Variants in PEA15 observed in about 807,000 individuals in gnomAD.
PEA15 encodes the protein proliferation and apoptosis adaptor protein 15.
For missense variants in PEA15, 77 were observed against 161.3 expected, an observed-to-expected ratio of 0.48 and a Z score of 2.83; for synonymous variants, 60 against 61.8, an observed-to-expected ratio of 0.97 and a Z score of 0.13.
Position 160,215,235 on chromosome 1 carries a change from G to C in PEA15, c.*1749G>C, listed in dbSNP as rs976862513. The C allele has an allele frequency of 2.0e-5, 3 of 152,160 alleles. No homozygotes were observed. Among genetic ancestry groups the C allele is most frequent in the Admixed American group, 6.5e-5 (1 of 15,268 alleles). The allele number at this position is 152,160 out of a possible 1,614,324, so 9.4% of individuals were successfully genotyped here. A position where few individuals can be genotyped will look rare whatever the true frequency, so the allele number is the denominator to read the frequency against. On this transcript the variant is annotated 3_prime_UTR_variant, in exon 4 of 4. Coordinates refer to ENST00000360472, the MANE Select transcript of PEA15 (RefSeq NM_003768.5). Reference sequence around the variant, plus strand: ...GCAGAGTCTAGTAGTTTCTCTGTAAGGCAAAATAATCTAAAAAGACTAACC... The same window carrying C: ...GCAGAGTCTAGTAGTTTCTCTGTAACGCAAAATAATCTAAAAAGACTAACC...
At chr1:160,209,804 T>C (rs1175241939) in intron 1 of PEA15, among the ~76,000 whole-genome samples, 1 of 152,100 alleles carries the variant, frequency 6.6e-6, no homozygotes, top group East Asian at 1.9e-4. Flanking sequence ...CCTCCTTCTG[T>C]CCTTGGATTA....
At chr1:160,210,687 AG>A (rs1357121364) in intron 1 of PEA15, among the ~76,000 whole-genome samples, 6 of 152,186 alleles carry the variant, frequency 3.9e-5, no homozygotes, top group African/African-American at 1.4e-4. Context: ...ATTCTCCCAA[AG>A]CCGCATCTAA....
In PEA15 at chr1:160,213,699, G is replaced by T; in HGVS notation, c.*213G>T. On this transcript the variant is annotated 3_prime_UTR_variant, in exon 4 of 4. Transcript: ENST00000360472. This position sits in a 1 kb window ranked among gnomAD's most constrained non-coding sequence, Gnocchi z 5.3. ...AGTTCCTCTTCTTAAGGGGATGGGGGTCAGGGGCTAGGGGAGGGGGCTGAG... is the reference window on the plus strand; with the variant it reads ...AGTTCCTCTTCTTAAGGGGATGGGGTTCAGGGGCTAGGGGAGGGGGCTGAG... 9.2e-6 allele frequency: 3 copies of T among 325,694 alleles called. No homozygotes were observed. Among genetic ancestry groups the T allele is most frequent in the South Asian group, 7.6e-5 (3 of 39,638 alleles). 20.2% of individuals were successfully genotyped at this position (325,694 alleles called of 1,614,324 possible). A position where few individuals can be genotyped will look rare whatever the true frequency, so the allele number is the denominator to read the frequency against.
intron 1 of PEA15, among the ~76,000 whole-genome samples, chr1:160,206,844 C>T (rs927683927): frequency 2.0e-5 from 3 of 152,112 alleles, no homozygotes; most frequent in Admixed American, 6.5e-5. Flanking sequence ...GCTGTCAGAG[C>T]GATTAGCTTT....
Position 160,215,335 on chromosome 1 carries a change from G to A in PEA15, c.*1849G>A, listed in dbSNP as rs1337228428. 1 of 152,174 alleles carries A rather than the reference G, an allele frequency of 6.6e-6. No individual in the cohort carries two copies. Among genetic ancestry groups the A allele is most frequent in the Non-Finnish European group, 1.5e-5 (1 of 68,034 alleles). 9.4% of individuals were successfully genotyped at this position (152,174 alleles called of 1,614,324 possible). On this transcript the variant is annotated 3_prime_UTR_variant, in exon 4 of 4. Coordinates refer to ENST00000360472, the MANE Select transcript of PEA15 (RefSeq NM_003768.5). ...TTCTGTCTGCAGTGTGCACGGCCTTGTTCTAACCCGGAATAAAGGTGATTG... is the reference window on the plus strand; with the variant it reads ...TTCTGTCTGCAGTGTGCACGGCCTTATTCTAACCCGGAATAAAGGTGATTG...
intron 1 of PEA15, chr1:160,211,264 G>A (rs1571067096): frequency 2.7e-6 from 3 of 1,102,586 alleles, no homozygotes; most frequent in Non-Finnish European, 3.3e-6. Flanking sequence ...CTGTTGCCAG[G>A]GTTACTGTTA....
intron 1 of PEA15, among the ~76,000 whole-genome samples, chr1:160,210,985 T>A (rs947161021): frequency 6.6e-6 from 1 of 152,060 alleles, no homozygotes; most frequent in African/African-American, 2.4e-5. Context: ...GAGTCATTAG[T>A]GGGGTGGTGG....
chr1:160,212,124 G>T (rs1291528479), intron 2 of PEA15, among the ~76,000 whole-genome samples: 8 of 152,280 alleles, frequency 5.3e-5, no homozygotes, highest in Non-Finnish European at 1.2e-4. Flanking sequence ...AAAACTACAA[G>T]TTCTATCATT....
chr1:160,211,730 G>A lies in PEA15; in HGVS notation c.172+14G>A. The A allele has an allele frequency of 1.2e-6, 2 of 1,609,830 alleles. No individual in the cohort carries two copies. The highest frequency in any genetic ancestry group is 1.1e-5 in the South Asian group (1 of 90,494). ...AGCTGGACAAAGGTGGGGGAGGGGAGCACAGGGGTCCTGTCATCAGTCATT... is the reference window on the plus strand; with the variant it reads ...AGCTGGACAAAGGTGGGGGAGGGGAACACAGGGGTCCTGTCATCAGTCATT... On this transcript the variant is annotated intron_variant, in intron 2 of 3. Transcript: ENST00000360472.
At chr1:160,209,252 C>T (rs1026797224) in intron 1 of PEA15, among the ~76,000 whole-genome samples, 1 of 152,162 alleles carries the variant, frequency 6.6e-6, no homozygotes, top group Non-Finnish European at 1.5e-5. Flanking sequence ...CCAGCCACTG[C>T]CTCCTCCAGA....
chr1:160,212,401 CTG>C (rs895260786), intron 2 of PEA15, among the ~76,000 whole-genome samples: 22 of 152,098 alleles, frequency 1.4e-4, no homozygotes, highest in African/African-American at 5.3e-4. Context: ...TAAGGTAAGA[CTG>C]TGTTGTAGAG....
chr1:160,207,501 G>A (rs1409367792), intron 1 of PEA15, among the ~76,000 whole-genome samples: 1 of 152,144 alleles, frequency 6.6e-6, no homozygotes, highest in Non-Finnish European at 1.5e-5. Flanking sequence ...CCCATCTTGG[G>A]TCTGGCTCTT....
Position 160,208,834 on chromosome 1 carries a change from T to C in PEA15, c.-2-2709T>C. 1 of 606,822 alleles carries C rather than the reference T, an allele frequency of 1.6e-6. No individual in the cohort carries two copies. Among genetic ancestry groups the C allele is most frequent in the South Asian group, 1.9e-5 (1 of 51,470 alleles). The allele number at this position is 606,822 out of a possible 1,614,324, so 37.6% of individuals were successfully genotyped here. A position where few individuals can be genotyped will look rare whatever the true frequency, so the allele number is the denominator to read the frequency against. On this transcript the variant is annotated intron_variant, in intron 1 of 3. Transcript: ENST00000360472. The surrounding 1 kb of genome is among the most constrained non-coding windows in gnomAD (Gnocchi z 4.1). Reference sequence around the variant, plus strand: ...CCTTATTCCTATCCTTTCTGTCCCTTCTTACTCACCATTCCCTACACTCCT... The same window carrying C: ...CCTTATTCCTATCCTTTCTGTCCCTCCTTACTCACCATTCCCTACACTCCT...
chr1:160,209,532 CACAG>C (rs996418000), intron 1 of PEA15, among the ~76,000 whole-genome samples: 65 of 151,552 alleles, frequency 4.3e-4, no homozygotes, highest in East Asian at 2.5e-3. Flanking sequence ...CACACACACA[CACAG>C]ACACACACAC....
intron 1 of PEA15, chr1:160,211,214 G>A: frequency 1.2e-6 from 1 of 856,314 alleles, no homozygotes; most frequent in Non-Finnish European, 1.4e-6. Flanking sequence ...AGAAAGTCGG[G>A]AGCAGGTTGC....
chr1:160,213,892 G>A lies in PEA15; in HGVS notation c.*406G>A, dbSNP rs999361355. On this transcript the variant is annotated 3_prime_UTR_variant, in exon 4 of 4. Coordinates refer to ENST00000360472, the MANE Select transcript of PEA15 (RefSeq NM_003768.5). The surrounding 1 kb of genome is among the most constrained non-coding windows in gnomAD (Gnocchi z 5.3). ...TGACATAGGGGTAAGGTATGGGAGA[G>A]GTAGGTGGATCCAGGGAAAAGCAGT... 2.0e-5 allele frequency: 4 copies of A among 198,614 alleles called. No individual in the cohort carries two copies. The highest frequency in any genetic ancestry group is 4.2e-5 in the Non-Finnish European group (4 of 95,432). 12.3% of individuals were successfully genotyped at this position (198,614 alleles called of 1,614,324 possible).
chr1:160,213,219 G>A lies in PEA15; in HGVS notation c.282G>A (p.Glu94=), dbSNP rs1183791349. Residue 94 remains glutamate (E), a synonymous_variant, in exon 3 of 4, where the codon GAG becomes GAA. Transcript: ENST00000360472. The surrounding 1 kb of genome is among the most constrained non-coding windows in gnomAD (Gnocchi z 5.3). ...TRVLKISEED[E]LDTKLTRIPS... ...TGCTGAAGATCTCTGAGGAGGATGA[G>A]CTGGACACCAAGCTAACCCGTATCC... 6.2e-7 allele frequency: 1 copy of A among 1,614,212 alleles called. No individual in the cohort carries two copies. The highest frequency in any genetic ancestry group is 8.5e-7 in the Non-Finnish European group (1 of 1,180,028).
chr1:160,211,302 T>TG (rs1429284265), intron 1 of PEA15: 34 of 1,191,116 alleles, frequency 2.9e-5, no homozygotes, highest in Admixed American at 4.4e-5. Context: ...AAAAAGATGG[T>TG]GGGGGGAAGG....
In PEA15 at chr1:160,213,370, G is replaced by A. The variant is rs1230903592; in HGVS notation, c.329-52G>A. 1 of 1,610,072 alleles carries A rather than the reference G, an allele frequency of 6.2e-7. No individual in the cohort carries two copies. Among genetic ancestry groups the A allele is most frequent in the East Asian group, 2.2e-5 (1 of 44,876 alleles). On this transcript the variant is annotated intron_variant, in intron 3 of 3. Coordinates refer to ENST00000360472, the MANE Select transcript of PEA15 (RefSeq NM_003768.5). The surrounding 1 kb of genome is among the most constrained non-coding windows in gnomAD (Gnocchi z 5.3). ...GTGGAGGCAGATGCCCAATGGGCCT[G>A]CCTGGCATCTCCCACACTGCTGTCC...
Sources: allele counts gnomAD v4.1 joint callset (sites outside exome capture counted in the v4.1 genomes callset), GRCh38; gene constraint gnomAD v4.1.1; non-coding constraint Gnocchi (gnomAD v3.1); transcripts MANE v1.5; gene names NCBI Gene and HGNC (gene_info 2026-07-23, HGNC 2026-07-21).